The following DAPK1 variants were observed in gnomAD, a reference collection of about 807,000 sequenced individuals.
DAPK1 encodes death-associated protein kinase 1.
In DAPK1, 56 loss-of-function variants were observed where a neutral mutation model predicts 144.9. The observed-to-expected ratio is 0.39, with a 90% CI of 0.31 to 0.48. DAPK1 has a LOEUF of 0.48. Ranked by LOEUF, DAPK1 falls within the 20% of genes least tolerant of loss-of-function variation. DAPK1 has a pLI of 0.95. For synonymous variants in DAPK1, 690 were observed against 749.0 expected (o/e 0.92, Z 1.29); for missense variants, 1,454 against 1,875.4 (o/e 0.78, Z 4.15).
At chr9:87,676,473 G>A (rs1008581585) in intron 19 of DAPK1, among the ~76,000 whole-genome samples, 2 of 152,258 alleles carry the variant, frequency 1.3e-5, no homozygotes, top group African/African-American at 4.8e-5. Context: ...ATTCGGATGT[G>A]CTTAGATTCC....
At chr9:87,516,740 A>G (rs967611074) in intron 2 of DAPK1, among the ~76,000 whole-genome samples, 17 of 151,894 alleles carry the variant, frequency 1.1e-4, no homozygotes, top group Non-Finnish European at 1.9e-4. Context: ...AATGCTTCCT[A>G]CAGTATGTAG....
At chr9:87,685,921 G>A (rs1232777973) in intron 20 of DAPK1, among the ~76,000 whole-genome samples, 4 of 152,142 alleles carry the variant, frequency 2.6e-5, no homozygotes, top group Non-Finnish European at 1.5e-5. Context: ...TCATTAAAAG[G>A]GAAGATGAGC....
chr9:87,636,357 C>T (rs1829894411), intron 3 of DAPK1, among the ~76,000 whole-genome samples: 1 of 152,164 alleles, frequency 6.6e-6, no homozygotes, highest in Non-Finnish European at 1.5e-5. Flanking sequence ...ATAGGAGAGT[C>T]ACTCCACCAT....
intron 2 of DAPK1, among the ~76,000 whole-genome samples, chr9:87,595,665 C>T (rs2118907446): frequency 6.6e-6 from 1 of 152,354 alleles, no homozygotes; most frequent in South Asian, 2.1e-4. Flanking sequence ...ACCTTCTTCT[C>T]CTTTGCAGTC....
intron 20 of DAPK1, among the ~76,000 whole-genome samples, chr9:87,681,922 T>C (rs1367508552): frequency 1.3e-5 from 2 of 152,172 alleles, no homozygotes; most frequent in Non-Finnish European, 2.9e-5. Flanking sequence ...ACAGTCAGCT[T>C]TGGGGACACA....
intron 3 of DAPK1, among the ~76,000 whole-genome samples, chr9:87,630,836 A>G (rs1182179155): frequency 6.6e-6 from 1 of 152,172 alleles, no homozygotes; most frequent in Non-Finnish European, 1.5e-5. Context: ...GTCTTGTTAA[A>G]ATGCAGATTC....
chr9:87,702,878 GA>G (rs559193307), intron 24 of DAPK1, 150 bp from the exon 25 acceptor site: 23 of 573,258 alleles, frequency 4.0e-5, no homozygotes, highest in East Asian at 2.3e-4. Flanking sequence ...TCTAAAAAAA[GA>G]AAAAAAAACG....
intron 1 of DAPK1, chr9:87,498,585 G>T (rs1302215734): frequency 3.6e-6 from 1 of 280,844 alleles, no homozygotes; most frequent in Non-Finnish European, 6.6e-6. Flanking sequence ...TGCTCCCAGT[G>T]AGGCGCGTAC....
Position 87,498,095 on chromosome 9 carries a change from CCCA to C in DAPK1, c.-120_-118del, listed in dbSNP as rs896337102. On this transcript the variant is annotated 5_prime_UTR_variant, in exon 1 of 26. Transcript: ENST00000408954. ...GCGCTCCGGAGGGACCGGGGGAGCTCCCAGGCGCCCGGGTGAGTAGCCAGGCGC... is the reference window on the plus strand; with the variant it reads ...GCGCTCCGGAGGGACCGGGGGAGCTCGGCGCCCGGGTGAGTAGCCAGGCGC... The C allele has an allele frequency of 7.8e-5, 31 of 397,508 alleles. No individual in the cohort carries two copies. The highest frequency in any genetic ancestry group is 6.2e-4 in the Middle Eastern group (1 of 1,606). 24.6% of individuals were successfully genotyped at this position (397,508 alleles called of 1,614,324 possible). A position where few individuals can be genotyped will look rare whatever the true frequency, so the allele number is the denominator to read the frequency against.
intron 24 of DAPK1, among the ~76,000 whole-genome samples, chr9:87,700,466 C>T (rs369228906): frequency 6.6e-6 from 1 of 151,966 alleles, no homozygotes; most frequent in Non-Finnish European, 1.5e-5. Flanking sequence ...AAATTCTTAC[C>T]GATTTATTGG....
At chr9:87,537,982 C>T (rs1465106249) in intron 2 of DAPK1, among the ~76,000 whole-genome samples, 2 of 152,140 alleles carry the variant, frequency 1.3e-5, no homozygotes, top group Admixed American at 6.5e-5. Context: ...AGTTGTTTTA[C>T]GGGCCCAAAA....
At chr9:87,515,240 C>G (rs937746279) in intron 2 of DAPK1, among the ~76,000 whole-genome samples, 1 of 152,148 alleles carries the variant, frequency 6.6e-6, no homozygotes, top group African/African-American at 2.4e-5. Flanking sequence ...CAACTCAACT[C>G]TGTTTTAACT....
At chr9:87,663,402 G>C (rs1587824161) in intron 18 of DAPK1, among the ~76,000 whole-genome samples, 1 of 152,196 alleles carries the variant, frequency 6.6e-6, no homozygotes, top group East Asian at 1.9e-4. Context: ...ACCTGGCCCA[G>C]CTGTTGCCTC....
At chr9:87,652,685 T>C (rs1830493554) in intron 17 of DAPK1, among the ~76,000 whole-genome samples, 1 of 146,326 alleles carries the variant, frequency 6.8e-6, no homozygotes, top group South Asian at 2.3e-4. Flanking sequence ...GTCCTGATTC[T>C]GTGTCCTCTC....
chr9:87,526,473 C>T (rs1825512110), intron 2 of DAPK1, among the ~76,000 whole-genome samples: 2 of 152,120 alleles, frequency 1.3e-5, no homozygotes, highest in South Asian at 2.1e-4. Flanking sequence ...TTGCTGTCTA[C>T]GTTAATAGTT....
At chr9:87,525,865 G>A (rs1030213637) in intron 2 of DAPK1, among the ~76,000 whole-genome samples, 1 of 152,150 alleles carries the variant, frequency 6.6e-6, no homozygotes, top group Non-Finnish European at 1.5e-5. Context: ...AGGCTTAATA[G>A]TCAGTTGAGC....
At chr9:87,656,470 G>A (rs1197996772) in intron 17 of DAPK1, among the ~76,000 whole-genome samples, 1 of 152,072 alleles carries the variant, frequency 6.6e-6, no homozygotes, top group Non-Finnish European at 1.5e-5. Context: ...CCCTTACATT[G>A]CATCTTCTAA....
chr9:87,534,106 AT>A (rs5899003), intron 2 of DAPK1, among the ~76,000 whole-genome samples: 114,099 of 149,714 alleles, frequency 0.76, 43,512 homozygotes, highest in Middle Eastern at 0.81. Context: ...ATTTCTTGCG[AT>A]TTTTTTTTTT....
chr9:87,705,678 A>T (rs1825611856), intron 25 of DAPK1, among the ~76,000 whole-genome samples: 1 of 152,204 alleles, frequency 6.6e-6, no homozygotes, highest in African/African-American at 2.4e-5. Context: ...TTTCCCACAT[A>T]ACCCAATATA....
Sources: allele counts gnomAD v4.1 joint callset (sites outside exome capture counted in the v4.1 genomes callset), GRCh38; gene constraint gnomAD v4.1.1; transcripts MANE v1.5; gene names NCBI Gene and HGNC (gene_info 2026-07-23, HGNC 2026-07-21).